The following ARID1B variants were observed in gnomAD, a reference collection of about 807,000 sequenced individuals.
ARID1B encodes the protein AT-rich interaction domain 1B.
Under a neutral mutation model 212.3 loss-of-function variants are expected in ARID1B, and 30 were observed. That is an observed-to-expected ratio of 0.14 (90% CI 0.11 to 0.19). The LOEUF (loss-of-function observed/expected upper bound fraction) is 0.19, where lower values mean the gene tolerates loss of function less well. ARID1B is among the 10% of genes least tolerant of loss of function. The pLI is 1.00. For synonymous variants in ARID1B, 1,402 were observed against 1,301.7 expected, an observed-to-expected ratio of 1.08 and a Z score of -1.66; for missense variants, 2,891 against 3,204.0, an observed-to-expected ratio of 0.90 and a Z score of 2.36.
chr6:156,779,824 C>G (rs934280014), intron 1 of ARID1B: 8 of 154,396 alleles, frequency 5.2e-5, no homozygotes, highest in African/African-American at 1.9e-4. Context: ...CGTTCGGGTG[C>G]TTTTGTAACA....
rs375096937 is a variant in ARID1B at position 157,200,092 on chromosome 6, T to G, written c.4480-613T>G. ...ATTAAGCACTGGTCCCGGAGCATCC[T>G]GGGAAGCAAGCTTAATAACAGGTGT... On this transcript the variant is annotated intron_variant, in intron 17 of 19. Coordinates refer to ENST00000636930, the MANE Select transcript of ARID1B (RefSeq NM_001374828.1). This position sits in a 1 kb window ranked among gnomAD's most constrained non-coding sequence, Gnocchi z 4.3. Among the ~76,000 whole-genome samples the G allele has an allele frequency of 1.3e-5, 2 of 152,306 alleles. No homozygotes were observed. Among genetic ancestry groups the G allele is most frequent in the South Asian group, 2.1e-4 (1 of 4,824 alleles).
At chr6:156,837,165 A>G (rs1347551431) in intron 2 of ARID1B, among the ~76,000 whole-genome samples, 1 of 152,204 alleles carries the variant, frequency 6.6e-6, no homozygotes, top group Non-Finnish European at 1.5e-5. Context: ...ATTGTTTTTT[A>G]AATGAATGTA....
In ARID1B at chr6:156,779,302, C is replaced by CGGCGGCGGG. The variant is rs1392865152; in HGVS notation, c.1631_1639dup (p.Gly544_Ala546dup). On this transcript the variant is annotated inframe_insertion, in exon 1 of 20. Transcript: ENST00000636930. Reference sequence around the variant, plus strand: ...CCGTCGCAGCCCCAGTCCCAGGCGGCGGCGGCGGGGGCGGCGGCGGGCGGC... The same window carrying CGGCGGCGGG: ...CCGTCGCAGCCCCAGTCCCAGGCGGCGGCGGCGGGGGCGGCGGGGGCGGCGGCGGGCGGC... The CGGCGGCGGG allele has an allele frequency of 1.2e-5, 14 of 1,130,808 alleles. No individual in the cohort carries two copies. In the East Asian group the frequency reaches 1.7e-4, roughly 14 times the overall value. 70.0% of individuals were successfully genotyped at this position (1,130,808 alleles called of 1,614,324 possible). A position where few individuals can be genotyped will look rare whatever the true frequency, so the allele number is the denominator to read the frequency against.
chr6:156,852,689 G>A lies in ARID1B; in HGVS notation c.1986+23268G>A, dbSNP rs78771540. On this transcript the variant is annotated intron_variant, in intron 2 of 19. Transcript: ENST00000636930. The stretch of plus-strand genomic sequence containing the variant: ...AACTATGATTTAATTACAACAGTGG[G>A]CTCTCTGGCTCTATTAATAGCTAAT... Among the ~76,000 whole-genome samples the A allele has an allele frequency of 5.0e-3, 766 of 152,240 alleles. 7 individuals carry two copies. Among genetic ancestry groups the A allele is most frequent in the African/African-American group, 0.017 (699 of 41,526 alleles).
chr6:156,961,282 A>T (rs1407199821), intron 4 of ARID1B, among the ~76,000 whole-genome samples: 2 of 152,256 alleles, frequency 1.3e-5, no homozygotes, highest in South Asian at 4.1e-4. Context: ...GTCAGATAAC[A>T]GGCCTCCGTG....
At chr6:156,872,080 G>C (rs1786177462) in intron 2 of ARID1B, among the ~76,000 whole-genome samples, 1 of 152,208 alleles carries the variant, frequency 6.6e-6, no homozygotes, top group African/African-American at 2.4e-5. Flanking sequence ...AGTCTGTGTA[G>C]AATAAAATAA....
chr6:157,173,157 A>G (rs1791840814), intron 9 of ARID1B: 1 of 152,220 alleles, frequency 6.6e-6, no homozygotes, highest in Non-Finnish European at 1.5e-5. Context: ...TTCTTCCACT[A>G]AAAAGAAATC....
At chr6:157,022,172 T>G (rs1001801851) in intron 4 of ARID1B, 4 of 28,382 alleles carry the variant, frequency 1.4e-4, no homozygotes, top group Non-Finnish European at 3.4e-4. Flanking sequence ...GGGGGCGAGG[T>G]GGAGGGGCGG....
intron 17 of ARID1B, among the ~76,000 whole-genome samples, chr6:157,199,122 CAT>C (rs1369675196): frequency 6.6e-6 from 1 of 152,198 alleles, no homozygotes; most frequent in Non-Finnish European, 1.5e-5. Context: ...TCTTGAAACA[CAT>C]ATGACCTGTA....
chr6:156,931,486 T>G (rs1381125647), intron 3 of ARID1B, among the ~76,000 whole-genome samples: 1 of 152,040 alleles, frequency 6.6e-6, no homozygotes, highest in East Asian at 1.9e-4. Flanking sequence ...TTCAAGTACC[T>G]CGCAAAGGGA....
At chr6:156,931,998 A>G (rs1339759626) in intron 3 of ARID1B, among the ~76,000 whole-genome samples, 1 of 147,166 alleles carries the variant, frequency 6.8e-6, no homozygotes, top group Admixed American at 6.8e-5. Flanking sequence ...AGCCAGGCAT[A>G]GTGGTATGTG....
In ARID1B at chr6:157,208,596, C is replaced by T. The variant is rs1399743740; in HGVS notation, c.*705C>T. The stretch of plus-strand genomic sequence containing the variant: ...GTCATGCCTGCTGTCGGCGTTTGAC[C>T]TTCCACGTGACAGTTCTTCACAATT... On this transcript the variant is annotated 3_prime_UTR_variant, in exon 20 of 20. Coordinates refer to ENST00000636930, the MANE Select transcript of ARID1B (RefSeq NM_001374828.1). 1 of 232,820 alleles carries T rather than the reference C, an allele frequency of 4.3e-6. No individual in the cohort carries two copies. Among genetic ancestry groups the T allele is most frequent in the Non-Finnish European group, 8.5e-6 (1 of 117,642 alleles). The allele number at this position is 232,820 out of a possible 1,614,324, so 14.4% of individuals were successfully genotyped here. A position where few individuals can be genotyped will look rare whatever the true frequency, so the allele number is the denominator to read the frequency against.
chr6:156,979,986 A>G (rs1186255988), intron 4 of ARID1B, among the ~76,000 whole-genome samples: 1 of 152,218 alleles, frequency 6.6e-6, no homozygotes, highest in Non-Finnish European at 1.5e-5. Context: ...GATTACAGGC[A>G]TGAGCCACCA....
At chr6:157,074,945 A>G (rs1784215657) in intron 4 of ARID1B, among the ~76,000 whole-genome samples, 1 of 152,122 alleles carries the variant, frequency 6.6e-6, no homozygotes, top group Non-Finnish European at 1.5e-5. Flanking sequence ...GTCCTTATTG[A>G]TACTATTTTC....
At chr6:156,928,108 T>C (rs1791380118) in intron 3 of ARID1B, among the ~76,000 whole-genome samples, 1 of 152,128 alleles carries the variant, frequency 6.6e-6, no homozygotes, top group Non-Finnish European at 1.5e-5. Context: ...GCTGAACAGG[T>C]GAAGTACGGT....
chr6:157,001,472 C>T, intron 4 of ARID1B, among the ~76,000 whole-genome samples: 1 of 152,182 alleles, frequency 6.6e-6, no homozygotes, highest in African/African-American at 2.4e-5. Flanking sequence ...TCCGACGTCT[C>T]CTTTCTAGGG....
chr6:157,144,704 C>T (rs1165077685), intron 7 of ARID1B, among the ~76,000 whole-genome samples: 3 of 152,038 alleles, frequency 2.0e-5, no homozygotes, highest in Admixed American at 1.3e-4. Context: ...GCAGCTGGCC[C>T]CTGCTCTGTG....
At chr6:157,013,486 GTGCATTATTAC>G (rs1779729895) in intron 4 of ARID1B, among the ~76,000 whole-genome samples, 1 of 152,142 alleles carries the variant, frequency 6.6e-6, no homozygotes, top group Non-Finnish European at 1.5e-5. Flanking sequence ...GAAATGCTAG[GTGCATTATTAC>G]TGCTTCATCT....
Position 157,189,784 on chromosome 6 carries a change from T to A in ARID1B, c.4058+4T>A. ...TGACTCCAATGCAAGGTGGAAGGTATGTTCAAATAACTCTGTGAGGCATAC... is the reference window on the plus strand; with the variant it reads ...TGACTCCAATGCAAGGTGGAAGGTAAGTTCAAATAACTCTGTGAGGCATAC... On this transcript the variant is annotated splice_donor_region_variant and intron_variant, in intron 14 of 19. Transcript: ENST00000636930. 1 of 1,613,334 alleles carries A rather than the reference T, an allele frequency of 6.2e-7. No individual in the cohort carries two copies. Among genetic ancestry groups the A allele is most frequent in the Non-Finnish European group, 8.5e-7 (1 of 1,179,842 alleles).
Sources: allele counts gnomAD v4.1 joint callset (sites outside exome capture counted in the v4.1 genomes callset), GRCh38; gene constraint gnomAD v4.1.1; non-coding constraint Gnocchi (gnomAD v3.1); transcripts MANE v1.5; gene names NCBI Gene and HGNC (gene_info 2026-07-23, HGNC 2026-07-21).